The following EPN2 variants were observed in gnomAD, a reference collection of about 807,000 sequenced individuals.
EPN2 encodes the protein epsin 2.
A neutral mutation model predicts 61.7 loss-of-function variants in EPN2; 34 were observed. The observed-to-expected ratio is 0.55, with a 90% CI of 0.42 to 0.73. The LOEUF is 0.73. Ranked by LOEUF, EPN2 falls within the 30% of genes least tolerant of loss-of-function variation. The pLI, the probability that EPN2 is intolerant of heterozygous loss-of-function variation, is 0.00. For missense variants in EPN2, 714 were observed against 839.2 expected (o/e 0.85, Z 1.84); for synonymous variants, 349 against 353.6 (o/e 0.99, Z 0.15).
chr17:19,335,263 T>A lies in EPN2; in HGVS notation c.*1009T>A, dbSNP rs1303169445. 1.3e-6 allele frequency: 1 copy of A among 763,836 alleles called. No individual in the cohort carries two copies. Among genetic ancestry groups the A allele is most frequent in the East Asian group, 2.8e-5 (1 of 35,622 alleles). 47.3% of individuals were successfully genotyped at this position (763,836 alleles called of 1,614,324 possible). The stretch of plus-strand genomic sequence containing the variant: ...TGTTTTTGGTGAATTACTAAACTGA[T>A]TGACTTTCAGCCTTTTTGGCTAGAT... On this transcript the variant is annotated 3_prime_UTR_variant, in exon 11 of 11. Coordinates refer to ENST00000314728, the MANE Select transcript of EPN2 (RefSeq NM_014964.5).
chr17:19,305,949 A>G (rs531364042), intron 4 of EPN2: 1 of 152,336 alleles, frequency 6.6e-6, no homozygotes, highest in Admixed American at 6.5e-5. Context: ...CTGTGGTTAC[A>G]GTTCTTGACC....
At chr17:19,329,397 C>T in intron 8 of EPN2, 164 bp from the exon 9 acceptor site, 2 of 592,054 alleles carry the variant, frequency 3.4e-6, no homozygotes, top group South Asian at 4.9e-5. Context: ...GCTGGTGACC[C>T]CAGGCTGTCT....
At chr17:19,238,675 G>A (rs1162506481) in intron 1 of EPN2, among the ~76,000 whole-genome samples, 1 of 152,178 alleles carries the variant, frequency 6.6e-6, no homozygotes, top group African/African-American at 2.4e-5. Flanking sequence ...AGGTCTCCAG[G>A]CTCTGTTTAC....
chr17:19,332,302 T>C (rs1336069221), intron 10 of EPN2, among the ~76,000 whole-genome samples: 1 of 152,050 alleles, frequency 6.6e-6, no homozygotes, highest in Non-Finnish European at 1.5e-5. Flanking sequence ...CAGTTGAGAC[T>C]ACCAAGCAGA....
intron 7 of EPN2, among the ~76,000 whole-genome samples, chr17:19,324,618 C>T (rs182829193): frequency 6.6e-6 from 1 of 152,304 alleles, no homozygotes; most frequent in Admixed American, 6.5e-5. Context: ...CAGGCATGAG[C>T]CACTGCGCCT....
rs116449089 is a variant in EPN2 at position 19,316,815 on chromosome 17, T to C, written c.1147+3536T>C. 1.0e-3 allele frequency among the ~76,000 whole-genome samples: 157 copies of C among 152,358 alleles called. 1 individual carries two copies. Among genetic ancestry groups the C allele is most frequent in the African/African-American group, 3.6e-3 (148 of 41,594 alleles). The stretch of plus-strand genomic sequence containing the variant: ...TTTTTGCAGTTCTGGCACTCTGCTT[T>C]CAATAGAAAAATACATTAAAATCAC... On this transcript the variant is annotated intron_variant, in intron 7 of 10. Transcript: ENST00000314728.
At chr17:19,329,391 G>T in intron 8 of EPN2, 170 bp from the exon 9 acceptor site, 1 of 572,094 alleles carries the variant, frequency 1.7e-6, no homozygotes, top group Non-Finnish European at 3.1e-6. Context: ...CAGCGTGCTG[G>T]TGACCCCAGG....
chr17:19,279,230 GCACCTTGGCCCTTGCT>G (rs1341897859), intron 1 of EPN2, among the ~76,000 whole-genome samples: 1 of 152,134 alleles, frequency 6.6e-6, no homozygotes, highest in Non-Finnish European at 1.5e-5. Context: ...GAGGGCAGCG[GCACCTTGGCCCTTGCT>G]CACAGGAATC....
At chr17:19,275,176 C>T (rs1004776412) in intron 1 of EPN2, among the ~76,000 whole-genome samples, 9 of 152,226 alleles carry the variant, frequency 5.9e-5, no homozygotes, top group Admixed American at 4.6e-4. Flanking sequence ...GGGAGCCTGA[C>T]TGATGTCTCT....
At chr17:19,264,107 AG>A (rs1197883185) in intron 1 of EPN2, among the ~76,000 whole-genome samples, 1 of 152,248 alleles carries the variant, frequency 6.6e-6, no homozygotes, top group Non-Finnish European at 1.5e-5. Context: ...TAAACAAAGC[AG>A]GACAATGGCA....
chr17:19,273,852 G>A (rs748034895), intron 1 of EPN2, among the ~76,000 whole-genome samples: 6 of 152,252 alleles, frequency 3.9e-5, no homozygotes, highest in African/African-American at 1.2e-4. Context: ...TATTGCTAGC[G>A]TGGCTGAAAC....
chr17:19,246,087 G>A (rs1053051296), intron 1 of EPN2, among the ~76,000 whole-genome samples: 2 of 152,126 alleles, frequency 1.3e-5, no homozygotes, highest in African/African-American at 2.4e-5. Context: ...GTGGCTGGGC[G>A]TGGTGGCTCA....
intron 7 of EPN2, among the ~76,000 whole-genome samples, chr17:19,323,321 G>T (rs1381998942): frequency 6.6e-6 from 1 of 152,222 alleles, no homozygotes; most frequent in Non-Finnish European, 1.5e-5. Context: ...AATCAGTGTG[G>T]CTGGGGGTAA....
Position 19,244,327 on chromosome 17 carries a change from C to T in EPN2, c.-294+6796C>T, listed in dbSNP as rs1210138229. On this transcript the variant is annotated intron_variant, in intron 1 of 10. Coordinates refer to ENST00000314728, the MANE Select transcript of EPN2 (RefSeq NM_014964.5). ...TACAAAAATGAGCCAGGTGTGGTGG[C>T]GTGGGCCTGTAGTCCCAACTACTCG... 7.9e-5 allele frequency among the ~76,000 whole-genome samples: 12 copies of T among 152,108 alleles called. No homozygotes were observed. The East Asian group carries it at 1.4e-3, about 17-fold the overall frequency.
chr17:19,254,346 A>T (rs1008272048), intron 1 of EPN2, among the ~76,000 whole-genome samples: 1 of 152,072 alleles, frequency 6.6e-6, no homozygotes, highest in Non-Finnish European at 1.5e-5. Flanking sequence ...GTTCCAGACC[A>T]GCCTAGCCAA....
At chr17:19,254,613 G>A (rs1005436214) in intron 1 of EPN2, among the ~76,000 whole-genome samples, 1 of 152,020 alleles carries the variant, frequency 6.6e-6, no homozygotes, top group African/African-American at 2.4e-5. Flanking sequence ...GGACTTAGAG[G>A]CCTCTTCTGA....
intron 4 of EPN2, chr17:19,308,525 G>T (rs1905963668): frequency 1.0e-6 from 1 of 985,296 alleles, no homozygotes; most frequent in Admixed American, 6.1e-5. Context: ...CAAGGGAGAG[G>T]TGCAGAGGTG....
At chr17:19,295,357 C>CAG (rs1166351713) in intron 4 of EPN2, among the ~76,000 whole-genome samples, 1 of 69,856 alleles carries the variant, frequency 1.4e-5, no homozygotes, top group Non-Finnish European at 4.6e-5. Context: ...CACACACACA[C>CAG]ACACACACAC....
Position 19,332,717 on chromosome 17 carries a change from C to G in EPN2, c.1627+649C>G, listed in dbSNP as rs1469627551. ...CCAGGCTGTTACACACTCAGTTTCCCCTGCCTGGAATGTCCTCCCTCCTCT... is the reference window on the plus strand; with the variant it reads ...CCAGGCTGTTACACACTCAGTTTCCGCTGCCTGGAATGTCCTCCCTCCTCT... On this transcript the variant is annotated intron_variant, in intron 10 of 10. Coordinates refer to ENST00000314728, the MANE Select transcript of EPN2 (RefSeq NM_014964.5). 2.0e-5 allele frequency among the ~76,000 whole-genome samples: 3 copies of G among 152,196 alleles called. No individual in the cohort carries two copies. The East Asian group carries it at 5.8e-4, about 29-fold the overall frequency.
Sources: gnomAD v4.1 joint callset for allele counts (sites outside exome capture counted in the v4.1 genomes callset) on GRCh38, gnomAD v4.1.1 for gene constraint, MANE v1.5 for transcripts, NCBI Gene and HGNC (gene_info 2026-07-23, HGNC 2026-07-21) for gene names.